The following RIMS1 variants were observed in gnomAD, a reference collection of about 807,000 sequenced individuals.
The protein encoded by RIMS1 is regulating synaptic membrane exocytosis 1.
Under a neutral mutation model 214.1 loss-of-function variants are expected in RIMS1, and 83 were observed. That is an observed-to-expected ratio of 0.39 (90% confidence interval 0.32 to 0.47). The LOEUF (loss-of-function observed/expected upper bound fraction) is 0.47. RIMS1 is among the 20% of genes least tolerant of loss of function. The pLI, the probability that RIMS1 is intolerant of heterozygous loss-of-function variation, is 0.99. For synonymous variants in RIMS1, 793 were observed against 786.8 expected, an observed-to-expected ratio of 1.01 and a Z score of -0.13; for missense variants, 2,050 against 2,161.8, an observed-to-expected ratio of 0.95 and a Z score of 1.03.
At chr6:72,281,268 A>G (rs573736959) in intron 23 of RIMS1, among the ~76,000 whole-genome samples, 1 of 152,280 alleles carries the variant, frequency 6.6e-6, no homozygotes, top group Admixed American at 6.5e-5. Context: ...TGGAAAGAAG[A>G]TTATATGAGA....
chr6:72,396,499 A>G (rs949050398), intron 31 of RIMS1, among the ~76,000 whole-genome samples: 7 of 152,226 alleles, frequency 4.6e-5, no homozygotes, highest in Non-Finnish European at 8.8e-5. Flanking sequence ...TCTAATTTAC[A>G]TATCCTCAAG....
At chr6:71,931,611 A>G (rs1033359696) in intron 1 of RIMS1, among the ~76,000 whole-genome samples, 1 of 151,320 alleles carries the variant, frequency 6.6e-6, no homozygotes, top group Non-Finnish European at 1.5e-5. Context: ...TTTTCTTGTA[A>G]ATTTGTTTAA....
At chr6:72,365,647 C>A (rs2097976235) in intron 29 of RIMS1, 2 of 152,216 alleles carry the variant, frequency 1.3e-5, no homozygotes, top group African/African-American at 4.8e-5. Context: ...CAGGATTATC[C>A]TGGTTAACCA....
intron 4 of RIMS1, among the ~76,000 whole-genome samples, chr6:72,110,921 A>T (rs562588868): frequency 7.6e-4 from 116 of 152,250 alleles, no homozygotes; most frequent in African/African-American, 2.7e-3. Flanking sequence ...AAAAGTTGTG[A>T]TCCTAAGATG....
intron 24 of RIMS1, among the ~76,000 whole-genome samples, chr6:72,288,375 CACAA>C (rs943139158): frequency 1.3e-5 from 2 of 152,140 alleles, no homozygotes; most frequent in Non-Finnish European, 2.9e-5. Context: ...TGCATATGCG[CACAA>C]ACACTTTCAG....
chr6:72,388,113 A>C (rs371566771), intron 29 of RIMS1, among the ~76,000 whole-genome samples: 1 of 152,222 alleles, frequency 6.6e-6, no homozygotes, highest in African/African-American at 2.4e-5. Context: ...ATTAAATTCT[A>C]ATTGGAAAAC....
At chr6:72,122,785 T>C (rs62408075) in intron 4 of RIMS1, among the ~76,000 whole-genome samples, 30,297 of 151,774 alleles carry the variant, frequency 0.2, 3,992 homozygotes, top group Non-Finnish European at 0.25. Context: ...TAGTATTCTC[T>C]GATGGTAGTT....
chr6:71,914,757 T>C lies in RIMS1; in HGVS notation c.164+27570T>C, dbSNP rs543544807. 2.0e-5 allele frequency among the ~76,000 whole-genome samples: 3 copies of C among 152,308 alleles called. No individual in the cohort carries two copies. The South Asian group carries it at 6.2e-4, about 32-fold the overall frequency. On this transcript the variant is annotated intron_variant, in intron 1 of 33. Transcript: ENST00000521978. ...TGAGGCACCATAATTTTATTTGTTCTTTACAGGGCAAAGTTAACTCTTCAG... is the reference window on the plus strand; with the variant it reads ...TGAGGCACCATAATTTTATTTGTTCCTTACAGGGCAAAGTTAACTCTTCAG...
intron 28 of RIMS1, 99 bp from the exon 29 acceptor site, chr6:72,333,501 A>G (rs2096740203): frequency 1.0e-6 from 1 of 992,094 alleles, no homozygotes; most frequent in Non-Finnish European, 1.5e-6. Context: ...TCTCCCTAAA[A>G]ATGTGTCTGG....
intron 22 of RIMS1, among the ~76,000 whole-genome samples, chr6:72,269,919 T>C (rs1349989333): frequency 6.6e-6 from 1 of 152,166 alleles, no homozygotes; most frequent in African/African-American, 2.4e-5. Context: ...AAACCCTTCT[T>C]AACCTCCTCC....
intron 6 of RIMS1, among the ~76,000 whole-genome samples, chr6:72,232,878 C>A (rs2154082658): frequency 6.6e-6 from 1 of 151,940 alleles, no homozygotes; most frequent in East Asian, 1.9e-4. Flanking sequence ...ATCAACCAAG[C>A]ATATTTTCCC....
chr6:72,248,352 T>C (rs2071265110), intron 12 of RIMS1, among the ~76,000 whole-genome samples: 1 of 152,188 alleles, frequency 6.6e-6, no homozygotes, highest in Admixed American at 6.6e-5. Context: ...ACTCTGAACA[T>C]TAATTGATGA....
At chr6:72,319,700 A>G (rs960826842) in intron 28 of RIMS1, among the ~76,000 whole-genome samples, 2 of 151,842 alleles carry the variant, frequency 1.3e-5, no homozygotes, top group East Asian at 3.9e-4. Flanking sequence ...TCATTTACTT[A>G]TTCACCAGTC....
intron 22 of RIMS1, among the ~76,000 whole-genome samples, chr6:72,272,573 G>A (rs1280210091): frequency 6.6e-6 from 1 of 152,030 alleles, no homozygotes; most frequent in Non-Finnish European, 1.5e-5. Context: ...GTTTCTAAAT[G>A]TACATCTTTC....
intron 4 of RIMS1, among the ~76,000 whole-genome samples, chr6:72,136,145 T>C (rs1455960356): frequency 6.6e-6 from 1 of 152,164 alleles, no homozygotes; most frequent in Non-Finnish European, 1.5e-5. Context: ...ATCTATAAGA[T>C]AAATATATGA....
intron 2 of RIMS1, among the ~76,000 whole-genome samples, chr6:72,059,037 A>T (rs1827132729): frequency 6.6e-6 from 1 of 152,242 alleles, no homozygotes; most frequent in Non-Finnish European, 1.5e-5. Context: ...AGGAACCTCC[A>T]TTCAGAACTA....
At chr6:72,113,719 T>C (rs1181914891) in intron 4 of RIMS1, among the ~76,000 whole-genome samples, 1 of 152,150 alleles carries the variant, frequency 6.6e-6, no homozygotes, top group Non-Finnish European at 1.5e-5. Context: ...TTCTTAATAT[T>C]TGCAACTGTA....
At chr6:72,266,131 C>A in intron 22 of RIMS1, 82 bp downstream of exon 22, 1 of 972,162 alleles carries the variant, frequency 1.0e-6, no homozygotes, top group Non-Finnish European at 1.6e-6. Flanking sequence ...TCATGACAGC[C>A]TTACAGGTTT....
chr6:71,969,129 T>G, intron 2 of RIMS1, 66 bp downstream of exon 2: 1 of 1,462,728 alleles, frequency 6.8e-7, no homozygotes, highest in Non-Finnish European at 9.6e-7. Context: ...GTTACAGATT[T>G]ATTCACATTG....
Sources: allele counts gnomAD v4.1 joint callset (sites outside exome capture counted in the v4.1 genomes callset), GRCh38; gene constraint gnomAD v4.1.1; transcripts MANE v1.5; gene names NCBI Gene and HGNC (gene_info 2026-07-23, HGNC 2026-07-21).